MAGI1: variants seen among roughly 807,000 people sequenced by gnomAD.
MAGI1 encodes the protein membrane-associated guanylate kinase, WW and PDZ domain-containing protein 1.
MAGI1 carries 58 observed loss-of-function variants against 139.9 expected under a neutral mutation model. The observed-to-expected ratio is 0.41, with a 90% confidence interval of 0.34 to 0.52. The LOEUF is 0.52. Ranked by LOEUF, MAGI1 falls within the 20% of genes least tolerant of loss-of-function variation. The probability of loss-of-function intolerance (pLI) is 0.12; values close to 1 mark genes in which losing one functional copy is unlikely to be tolerated. For synonymous variants in MAGI1, 812 were observed against 737.9 expected, an observed-to-expected ratio of 1.10 and a Z score of -1.63; for missense variants, 1,874 against 1,901.6, an observed-to-expected ratio of 0.99 and a Z score of 0.27.
chr3:65,432,311 A>C (rs1174327005), intron 10 of MAGI1, among the ~76,000 whole-genome samples: 3 of 152,062 alleles, frequency 2.0e-5, no homozygotes, highest in African/African-American at 7.2e-5. Flanking sequence ...TTTCTATCAA[A>C]AATGTTATCC....
At position 65,511,265 on chromosome 3, in the gene MAGI1, G is replaced by C. The variant is rs1266043067; in HGVS notation, c.431-17634C>G. On this transcript the variant is annotated intron_variant, in intron 2 of 22. Transcript: ENST00000402939. ...CATCAACTAATGAGCAAAATAACCA[G>C]CTAACATCATAATGACAGGATCAAA... 3.3e-5 allele frequency among the ~76,000 whole-genome samples: 5 copies of C among 149,860 alleles called. No individual in the cohort carries two copies. In the East Asian group the frequency reaches 9.9e-4, roughly 30 times the overall value.
At chr3:65,950,067 C>CAA (rs61696952) in intron 1 of MAGI1, among the ~76,000 whole-genome samples, 4 of 76,704 alleles carry the variant, frequency 5.2e-5, no homozygotes, top group Middle Eastern at 9.8e-3. Flanking sequence ...AACAAAAAAA[C>CAA]AAAAAAAAAA....
intron 12 of MAGI1, among the ~76,000 whole-genome samples, chr3:65,414,063 C>T (rs535152570): frequency 7.2e-5 from 11 of 152,296 alleles, no homozygotes; most frequent in African/African-American, 2.6e-4. Context: ...CTGATTCTGG[C>T]TATTTCCTAC....
intron 22 of MAGI1, chr3:65,359,646 A>T: frequency 1.0e-6 from 1 of 989,916 alleles, no homozygotes; most frequent in Non-Finnish European, 1.2e-6. Flanking sequence ...CCCATTTGTG[A>T]CTCTAATCAA....
intron 1 of MAGI1, among the ~76,000 whole-genome samples, chr3:65,631,544 T>C (rs1417584432): frequency 6.6e-6 from 1 of 152,202 alleles, no homozygotes; most frequent in East Asian, 1.9e-4. Context: ...TGTGTACTTC[T>C]GATTATCTTC....
intron 10 of MAGI1, 46 bp from the exon 11 acceptor site, chr3:65,430,927 AAGG>A (rs1947405561): frequency 1.0e-5 from 16 of 1,558,976 alleles, no homozygotes; most frequent in Non-Finnish European, 1.4e-5. Context: ...CACTGGTGAA[AAGG>A]AGAATTAAAC....
chr3:65,953,312 G>A (rs2063955322), intron 1 of MAGI1, among the ~76,000 whole-genome samples: 1 of 152,142 alleles, frequency 6.6e-6, no homozygotes. Flanking sequence ...AGGCCTTCAT[G>A]AGGAAAAACA....
intron 2 of MAGI1, 81 bp downstream of exon 2, chr3:65,621,891 G>A (rs2083687785): frequency 4.1e-6 from 4 of 985,684 alleles, no homozygotes; most frequent in Non-Finnish European, 6.2e-6. Context: ...ACCAGTTGTT[G>A]AGATCTCCTT....
rs1323652952 is a variant in MAGI1 at position 65,472,241 on chromosome 3, T to G, written c.758-1757A>C. ...CGGCAAGAATTAAAGGAGTCACCTT[T>G]AATTCTCTAGAAGCCAACAAAGATT... On this transcript the variant is annotated intron_variant, in intron 4 of 22. Transcript: ENST00000402939. Among the ~76,000 whole-genome samples the G allele has an allele frequency of 2.0e-5, 3 of 152,266 alleles. No individual in the cohort carries two copies. In the East Asian group the frequency reaches 5.8e-4, roughly 30 times the overall value.
chr3:65,418,427 A>T (rs6780789), intron 12 of MAGI1, among the ~76,000 whole-genome samples: 1 of 152,002 alleles, frequency 6.6e-6, no homozygotes, highest in African/African-American at 2.4e-5. Context: ...GAAAGCCTCA[A>T]ATAAATAGAA....
At chr3:65,927,504 C>G (rs1419468563) in intron 1 of MAGI1, among the ~76,000 whole-genome samples, 6 of 152,198 alleles carry the variant, frequency 3.9e-5, no homozygotes, top group Non-Finnish European at 7.3e-5. Flanking sequence ...TGGTCCCACA[C>G]TGGAAAACAT....
At chr3:65,467,970 A>C (rs1224941517) in intron 5 of MAGI1, among the ~76,000 whole-genome samples, 1 of 152,232 alleles carries the variant, frequency 6.6e-6, no homozygotes, top group Non-Finnish European at 1.5e-5. Context: ...CAATAACAAT[A>C]GTGATCACTA....
chr3:65,507,098 T>A (rs755840181), intron 2 of MAGI1, among the ~76,000 whole-genome samples: 4 of 152,056 alleles, frequency 2.6e-5, no homozygotes, highest in African/African-American at 4.8e-5. Flanking sequence ...TAAAGAAGAA[T>A]TGGGTACAAT....
intron 1 of MAGI1, among the ~76,000 whole-genome samples, chr3:65,904,503 G>A (rs945406135): frequency 3.3e-5 from 5 of 152,116 alleles, no homozygotes; most frequent in African/African-American, 1.2e-4. Flanking sequence ...GGCCTCTGCT[G>A]CCCTTCCCAA....
rs1457161102 is a variant in MAGI1, at chr3:65,723,533, C to T, written c.314-101445G>A. 2.3e-4 allele frequency among the ~76,000 whole-genome samples: 32 copies of T among 136,242 alleles called. 1 individual carries two copies. The highest frequency in any genetic ancestry group is 2.2e-3 in the Admixed American group (32 of 14,420). The allele number at this position is 136,242 out of a possible 152,430, so 89.4% of individuals were successfully genotyped here. A position where few individuals can be genotyped will look rare whatever the true frequency, so the allele number is the denominator to read the frequency against. ...AGTTTCAGGACTCATTTATACTCCT[C>T]AAAATTATTCCTTTCCAAGTCCTTT... On this transcript the variant is annotated intron_variant, in intron 1 of 22. Transcript: ENST00000402939.
intron 18 of MAGI1, among the ~76,000 whole-genome samples, chr3:65,367,817 A>T (rs1012663125): frequency 6.6e-6 from 1 of 152,194 alleles, no homozygotes; most frequent in Non-Finnish European, 1.5e-5. Context: ...TCTAATTGGA[A>T]CATTCCTTTC....
chr3:65,693,773 G>T (rs2088895889), intron 1 of MAGI1, among the ~76,000 whole-genome samples: 1 of 152,002 alleles, frequency 6.6e-6, no homozygotes, highest in South Asian at 2.1e-4. Flanking sequence ...ACCCAGGCTG[G>T]AGTGCAGTGG....
At chr3:65,936,704 T>G (rs2063070467) in intron 1 of MAGI1, among the ~76,000 whole-genome samples, 1 of 152,104 alleles carries the variant, frequency 6.6e-6, no homozygotes, top group Non-Finnish European at 1.5e-5. Flanking sequence ...ACCTTACACC[T>G]TCAAAGTCTC....
intron 22 of MAGI1, chr3:65,359,271 G>T: frequency 6.6e-7 from 1 of 1,519,932 alleles, no homozygotes; most frequent in South Asian, 1.3e-5. Flanking sequence ...ATCTACATTT[G>T]TTAACATAGG....
Sources: gnomAD v4.1 joint callset for allele counts (sites outside exome capture counted in the v4.1 genomes callset) on GRCh38, gnomAD v4.1.1 for gene constraint, MANE v1.5 for transcripts, NCBI Gene and HGNC (gene_info 2026-07-23, HGNC 2026-07-21) for gene names.